The following ETV5 variants were observed in gnomAD, a reference collection of about 807,000 sequenced individuals.
ETV5 encodes the protein ETS variant transcription factor 5.
ETV5 carries 10 observed loss-of-function variants against 70.0 expected under a neutral mutation model. The observed-to-expected ratio is 0.14, with a 90% CI of 0.09 to 0.24. The LOEUF is 0.24. ETV5 is among the 10% of genes least tolerant of loss of function. The pLI is 1.00. For synonymous variants in ETV5, 216 were observed against 242.2 expected, an observed-to-expected ratio of 0.89 and a Z score of 1.01; for missense variants, 453 against 651.2, an observed-to-expected ratio of 0.70 and a Z score of 3.31.
chr3:186,078,048 C>T, intron 7 of ETV5: 1 of 1,056,976 alleles, frequency 9.5e-7, no homozygotes, highest in Non-Finnish European at 1.1e-6. Flanking sequence ...AATAACTCAT[C>T]AATCCCAGGA....
intron 5 of ETV5, among the ~76,000 whole-genome samples, chr3:186,099,816 C>G (rs897277951): frequency 6.6e-6 from 1 of 152,166 alleles, no homozygotes; most frequent in Non-Finnish European, 1.5e-5. Flanking sequence ...ACTTCTGGCA[C>G]CTACACAAGT....
chr3:186,071,902 A>G (rs146571685), intron 7 of ETV5, among the ~76,000 whole-genome samples: 1,647 of 151,748 alleles, frequency 0.011, 26 homozygotes, highest in African/African-American at 0.038. Flanking sequence ...GGTTCAAGCA[A>G]TTCTACTGAC....
intron 5 of ETV5, among the ~76,000 whole-genome samples, chr3:186,091,521 G>C (rs1173121621): frequency 2.0e-5 from 3 of 152,074 alleles, no homozygotes; most frequent in Non-Finnish European, 4.4e-5. Flanking sequence ...AATAAATAAC[G>C]CAAGAGCCAA....
At chr3:186,096,919 A>G (rs1714316264) in intron 5 of ETV5, among the ~76,000 whole-genome samples, 1 of 152,084 alleles carries the variant, frequency 6.6e-6, no homozygotes, top group South Asian at 2.1e-4. Flanking sequence ...GGTGGCTCGA[A>G]CCTGTAATGC....
At chr3:186,093,724 G>T (rs1358638897) in intron 5 of ETV5, among the ~76,000 whole-genome samples, 2 of 152,170 alleles carry the variant, frequency 1.3e-5, no homozygotes, top group Non-Finnish European at 2.9e-5. Flanking sequence ...CTCAAGACTT[G>T]CCCTACCTCT....
intron 12 of ETV5, among the ~76,000 whole-genome samples, chr3:186,049,311 A>G (rs1712964915): frequency 6.6e-6 from 1 of 152,224 alleles, no homozygotes; most frequent in Non-Finnish European, 1.5e-5. Context: ...GCCTGCGCAG[A>G]AGCCTTAAGT....
chr3:186,100,872 C>A (rs1184702940), intron 5 of ETV5, among the ~76,000 whole-genome samples: 1 of 152,158 alleles, frequency 6.6e-6, no homozygotes, highest in Non-Finnish European at 1.5e-5. Flanking sequence ...TTTATAATAT[C>A]ATAACTGAAA....
Position 186,073,339 on chromosome 3 carries a change from T to C in ETV5, c.650+6478A>G, listed in dbSNP as rs558594203. On this transcript the variant is annotated intron_variant, in intron 7 of 12. Transcript: ENST00000306376. ...TAAAATTGTCATAGAAGCTAACATT[T>C]ACTGAACACCTCTGTCCAAGCGTGA... Among the ~76,000 whole-genome samples the C allele has an allele frequency of 1.2e-3, 182 of 152,360 alleles. 2 individuals are homozygous for C. The highest frequency in any genetic ancestry group is 1.3e-3 in the Non-Finnish European group (90 of 68,040).
intron 7 of ETV5, chr3:186,078,029 C>A (rs949332198): frequency 1.7e-5 from 18 of 1,058,346 alleles, no homozygotes; most frequent in Non-Finnish European, 2.1e-5. Context: ...CTTTCAACAC[C>A]CACGGGCAAA....
At chr3:186,059,090 AATTT>A (rs2150142938) in intron 9 of ETV5, among the ~76,000 whole-genome samples, 1 of 152,216 alleles carries the variant, frequency 6.6e-6, no homozygotes, top group African/African-American at 2.4e-5. Flanking sequence ...GCCAAGGTAT[AATTT>A]CACCATTCTT....
intron 1 of ETV5, among the ~76,000 whole-genome samples, chr3:186,106,713 G>A (rs1391494224): frequency 6.6e-5 from 10 of 152,040 alleles, no homozygotes; most frequent in Non-Finnish European, 1.2e-4. Context: ...TTCATATAGC[G>A]GAATCATTTT....
chr3:186,048,787 T>C lies in ETV5; in HGVS notation c.1385A>G (p.Asn462Ser), dbSNP rs745384970. Residue 462 changes from asparagine to serine, a missense_variant, in exon 13 of 13, where the codon AAC becomes AGC. Asn to Ser is a conservative substitution (Grantham distance 46, BLOSUM62 1). Around this residue, in one of 4 missense-constraint regions of ETV5, gnomAD observed 74 missense variants for 95.2 expected, o/e 0.78. Coordinates refer to ENST00000306376, the MANE Select transcript of ETV5 (RefSeq NM_004454.3). ...DALFSMAFPD[N>S]QRPFLKAESE... ...CTCTGCCTTCAGGAACGGACGCTGG[T>C]TATCCGGGAAAGCCATGGAGAAGAG... The C allele has an allele frequency of 6.2e-7, 1 of 1,614,116 alleles. No homozygotes were observed. Among genetic ancestry groups the C allele is most frequent in the South Asian group, 1.1e-5 (1 of 91,084 alleles).
At chr3:186,103,855 GC>G (rs1456921154) in intron 5 of ETV5, among the ~76,000 whole-genome samples, 1 of 152,232 alleles carries the variant, frequency 6.6e-6, no homozygotes, top group Non-Finnish European at 1.5e-5. Context: ...ATGGCATTGT[GC>G]CTTGGACATG....
Position 186,052,368 on chromosome 3 carries a change from T to C in ETV5, c.1210-237A>G, listed in dbSNP as rs1019502545. Among the ~76,000 whole-genome samples the C allele has an allele frequency of 2.0e-5, 3 of 152,204 alleles. No individual in the cohort carries two copies. Among genetic ancestry groups the C allele is most frequent in the African/African-American group, 7.2e-5 (3 of 41,452 alleles). On this transcript the variant is annotated intron_variant, in intron 11 of 12. Coordinates refer to ENST00000306376, the MANE Select transcript of ETV5 (RefSeq NM_004454.3). This position sits in a 1 kb window ranked among gnomAD's most constrained non-coding sequence, Gnocchi z 4.5. ...ATGGAAGAATCCTAGCACTTTAAGA[T>C]TGCAGAGGGCTTGGCTAACATCCCA...
chr3:186,063,538 A>G (rs988479877), intron 9 of ETV5, among the ~76,000 whole-genome samples: 1 of 152,242 alleles, frequency 6.6e-6, no homozygotes, highest in African/African-American at 2.4e-5. Context: ...GGGATAGGGC[A>G]CAAGAACTTG....
At position 186,105,815 on chromosome 3, in the gene ETV5, T is replaced by A; in HGVS notation, c.45+9A>T. On this transcript the variant is annotated intron_variant, in intron 2 of 12. Transcript: ENST00000306376. This position sits in a 1 kb window ranked among gnomAD's most constrained non-coding sequence, Gnocchi z 4.5. ...AGGACAAAACAAACCAAAAGCCACATAAACTTACCCCTGGGACCATAAAAG... is the reference window on the plus strand; with the variant it reads ...AGGACAAAACAAACCAAAAGCCACAAAAACTTACCCCTGGGACCATAAAAG... 1 of 1,613,628 alleles carries A rather than the reference T, an allele frequency of 6.2e-7. No homozygotes were observed. The highest frequency in any genetic ancestry group is 8.5e-7 in the Non-Finnish European group (1 of 1,179,566).
intron 1 of ETV5, among the ~76,000 whole-genome samples, chr3:186,107,804 G>T (rs573432506): frequency 6.6e-6 from 1 of 152,120 alleles, no homozygotes; most frequent in African/African-American, 2.4e-5. Context: ...TCAGGTAGAG[G>T]CTGTAACTGG....
At chr3:186,081,238 A>G in intron 5 of ETV5, 63 bp from the exon 6 acceptor site, 3 of 1,487,872 alleles carry the variant, frequency 2.0e-6, no homozygotes, top group Non-Finnish European at 2.7e-6. Context: ...AGGGAGCACA[A>G]TGCTTCCTTC....
rs6774024 is a variant in ETV5 at position 186,097,021 on chromosome 3, T to C, written c.232+8284A>G. Among the ~76,000 whole-genome samples, 633 of 152,198 alleles carry C rather than the reference T, an allele frequency of 4.2e-3. 4 individuals carry two copies. The highest frequency in any genetic ancestry group is 0.01 in the African/African-American group (417 of 41,528). The stretch of plus-strand genomic sequence containing the variant: ...CCCCCAGCACACCCGCTTGGCCAAT[T>C]AATCAATCAATCAATCAAGGCTGGA... On this transcript the variant is annotated intron_variant, in intron 5 of 12. Coordinates refer to ENST00000306376, the MANE Select transcript of ETV5 (RefSeq NM_004454.3).
Sources: allele counts gnomAD v4.1 joint callset (sites outside exome capture counted in the v4.1 genomes callset), GRCh38; gene constraint gnomAD v4.1.1; regional missense constraint gnomAD v4.1.1; non-coding constraint Gnocchi (gnomAD v3.1); transcripts MANE v1.5; gene names NCBI Gene and HGNC (gene_info 2026-07-23, HGNC 2026-07-21).